Variants in KCNT1 observed in about 807,000 individuals in gnomAD.
The protein encoded by KCNT1 is potassium channel subfamily T member 1.
Under a neutral mutation model 147.8 loss-of-function variants are expected in KCNT1, and 78 were observed. The ratio of observed to expected loss-of-function variants is 0.53; its 90% confidence interval spans 0.44 to 0.64. The LOEUF (loss-of-function observed/expected upper bound fraction) is 0.64. Ranked by LOEUF, KCNT1 falls within the 30% of genes least tolerant of loss-of-function variation. The pLI is 0.00. For missense variants in KCNT1, 1,419 were observed against 1,750.3 expected (o/e 0.81, Z 3.38); for synonymous variants, 867 against 748.8 (o/e 1.16, Z -2.58).
intron 2 of KCNT1, among the ~76,000 whole-genome samples, chr9:135,743,640 C>A (rs1452583438): frequency 1.3e-5 from 2 of 152,344 alleles, no homozygotes; most frequent in Middle Eastern, 3.4e-3. Context: ...CCTGGCCCCA[C>A]CCCAGGCTCC....
At chr9:135,779,491 C>A in intron 24 of KCNT1, 21 bp downstream of exon 24, 1 of 1,500,444 alleles carries the variant, frequency 6.7e-7, no homozygotes, top group Non-Finnish European at 9.3e-7. Flanking sequence ...CTGCCCCGTG[C>A]CAGCTGCCAC....
intron 2 of KCNT1, among the ~76,000 whole-genome samples, chr9:135,738,610 C>T (rs1434417812): frequency 6.6e-6 from 1 of 152,178 alleles, no homozygotes; most frequent in Non-Finnish European, 1.5e-5. Flanking sequence ...CTGCCCGTCT[C>T]ATTGTTGAGA....
intron 10 of KCNT1, among the ~76,000 whole-genome samples, chr9:135,758,710 C>T (rs951657151): frequency 6.6e-6 from 1 of 152,224 alleles, no homozygotes; most frequent in African/African-American, 2.4e-5. Context: ...AGTACACGAG[C>T]AGCCCTGCAG....
intron 1 of KCNT1, among the ~76,000 whole-genome samples, chr9:135,708,810 G>A (rs1228408794): frequency 2.6e-5 from 4 of 152,216 alleles, no homozygotes; most frequent in Non-Finnish European, 4.4e-5. Flanking sequence ...CTCCCAGAAT[G>A]CTGGAATTAC....
chr9:135,760,983 C>G (rs1475641135), intron 11 of KCNT1, among the ~76,000 whole-genome samples: 3 of 152,084 alleles, frequency 2.0e-5, no homozygotes, highest in African/African-American at 7.2e-5. Flanking sequence ...TGTGACCGCC[C>G]CTCTCACTTT....
intron 1 of KCNT1, among the ~76,000 whole-genome samples, chr9:135,707,122 C>T (rs936834045): frequency 3.1e-5 from 4 of 128,838 alleles, no homozygotes; most frequent in Non-Finnish European, 6.7e-5. Flanking sequence ...CCTGTCTCTA[C>T]AAAAAAAAAA....
intron 29 of KCNT1, 114 bp from the exon 30 acceptor site, chr9:135,791,683 C>G (rs1834539693): frequency 1.1e-6 from 1 of 892,346 alleles, no homozygotes. Context: ...GCAGAATGGT[C>G]AGGAAGGCCG....
intron 2 of KCNT1, among the ~76,000 whole-genome samples, chr9:135,731,577 G>A (rs774054070): frequency 1.9e-4 from 29 of 152,128 alleles, no homozygotes; most frequent in Non-Finnish European, 3.8e-4. Context: ...CAACAAGGGC[G>A]TGTGCATTTG....
At chr9:135,717,976 T>A (rs1835783769) in intron 2 of KCNT1, among the ~76,000 whole-genome samples, 1 of 152,066 alleles carries the variant, frequency 6.6e-6, no homozygotes, top group Non-Finnish European at 1.5e-5. Flanking sequence ...CTGACAGGGG[T>A]CCTGAGGTCA....
At chr9:135,781,736 G>C (rs927180893) in intron 24 of KCNT1, among the ~76,000 whole-genome samples, 8 of 152,108 alleles carry the variant, frequency 5.3e-5, no homozygotes, top group Non-Finnish European at 1.2e-4. Context: ...AGGATTCCAG[G>C]CACGACTCCG....
intron 1 of KCNT1, among the ~76,000 whole-genome samples, chr9:135,707,006 C>T (rs780622708): frequency 6.6e-6 from 1 of 151,100 alleles, no homozygotes; most frequent in Non-Finnish European, 1.5e-5. Context: ...GGCCCAAGGC[C>T]AGGCACGGTG....
At chr9:135,748,413 GT>G (rs1441092775) in intron 2 of KCNT1, among the ~76,000 whole-genome samples, 1 of 151,948 alleles carries the variant, frequency 6.6e-6, no homozygotes, top group Non-Finnish European at 1.5e-5. Context: ...AACATCGAAT[GT>G]TTTAATCACT....
At position 135,792,512 on chromosome 9, in the gene KCNT1, G is replaced by A; in HGVS notation, c.*351G>A. 1 of 210,072 alleles carries A rather than the reference G, an allele frequency of 4.8e-6. No homozygotes were observed. The highest frequency in any genetic ancestry group is 9.6e-6 in the Non-Finnish European group (1 of 103,698). The allele number at this position is 210,072 out of a possible 1,614,324, so 13.0% of individuals were successfully genotyped here. A position where few individuals can be genotyped will look rare whatever the true frequency, so the allele number is the denominator to read the frequency against. ...AGCCCAGGCTGTGCTGGAGGGTGGG[G>A]CTGGGGTGCATGGGGAGGGGAGCAG... On this transcript the variant is annotated 3_prime_UTR_variant, in exon 31 of 31. Coordinates refer to ENST00000371757, the MANE Select transcript of KCNT1 (RefSeq NM_020822.3).
At position 135,745,869 on chromosome 9, in the gene KCNT1, C is replaced by T. The variant is rs183579770; in HGVS notation, c.255-4229C>T. Reference sequence around the variant, plus strand: ...GCATGCTGTGACTCTGAGGAGCTAGCGGAGCCCTCCAGGCTACCAGTGTCC... The same window carrying T: ...GCATGCTGTGACTCTGAGGAGCTAGTGGAGCCCTCCAGGCTACCAGTGTCC... On this transcript the variant is annotated intron_variant, in intron 2 of 30. Transcript: ENST00000371757. 1.7e-4 allele frequency among the ~76,000 whole-genome samples: 26 copies of T among 152,298 alleles called. No individual in the cohort carries two copies. In the East Asian group the frequency reaches 4.8e-3, roughly 28 times the overall value.
chr9:135,774,137 TATGTG>T (rs935873904), intron 19 of KCNT1, among the ~76,000 whole-genome samples: 13 of 150,738 alleles, frequency 8.6e-5, no homozygotes, highest in South Asian at 4.2e-4. Flanking sequence ...TGTTGTGTGA[TATGTG>T]ATGTGTGTCT....
chr9:135,732,020 A>AGAGAGAGAGAGAGAGAGG (rs1836490941), intron 2 of KCNT1, among the ~76,000 whole-genome samples: 3 of 126,312 alleles, frequency 2.4e-5, no homozygotes, highest in African/African-American at 9.1e-5. Flanking sequence ...AGAGAGAGAG[A>AGAGAGAGAGAGAGAGAGG]GAGAGAGAGA....
At position 135,714,699 on chromosome 9, in the gene KCNT1, C is replaced by A; in HGVS notation, c.233C>A (p.Pro78Gln). The change falls in exon 2 of 31, where the codon CCG becomes CAG. Residue 78 changes from proline (P) to glutamine (Q), a missense_variant. Physicochemically the swap from Pro to Gln is moderately conservative, Grantham distance 76. Around this residue, in one of 5 missense-constraint regions of KCNT1, gnomAD observed 181 missense variants for 155.7 expected, o/e 1.16. Transcript: ENST00000371757. The surrounding 1 kb of genome is among the most constrained non-coding windows in gnomAD (Gnocchi z 6.2). ...YRFRDLLLGD[P>Q]SFQNDDRVQV... is the part of the protein sequence containing the mutation. ...TTCCGGGACCTGCTGCTGGGCGACC[C>A]GTCCTTCCAGAACGACGACAGGTAG... The A allele has an allele frequency of 6.9e-7, 1 of 1,451,164 alleles. No individual in the cohort carries two copies. The highest frequency in any genetic ancestry group is 3.2e-5 in the East Asian group (1 of 31,702). 89.9% of individuals were successfully genotyped at this position (1,451,164 alleles called of 1,614,324 possible). A position where few individuals can be genotyped will look rare whatever the true frequency, so the allele number is the denominator to read the frequency against.
chr9:135,702,296 T>G lies in KCNT1; in HGVS notation c.38T>G (p.Val13Gly). 6.2e-7 allele frequency: 1 copy of G among 1,608,738 alleles called. No homozygotes were observed. Among genetic ancestry groups the G allele is most frequent in the Non-Finnish European group, 8.5e-7 (1 of 1,177,988 alleles). The change falls in exon 1 of 31, where the codon GTC becomes GGC. Residue 13 changes from valine (V) to glycine (G), a missense_variant. Around this residue, in one of 5 missense-constraint regions of KCNT1, gnomAD observed 181 missense variants for 155.7 expected, o/e 1.16. Coordinates refer to ENST00000371757, the MANE Select transcript of KCNT1 (RefSeq NM_020822.3). Reference sequence around the variant, plus strand: ...GACGGGGCGCGGACCCCGGGGGGCGTCTGCCGGGAGGCGCGCGGCGGGGGC... The same window carrying G: ...GACGGGGCGCGGACCCCGGGGGGCGGCTGCCGGGAGGCGCGCGGCGGGGGC... ...LPDGARTPGGVCREARGGGYT... is the reference protein window; with the variant it reads ...LPDGARTPGGGCREARGGGYT...
Position 135,720,112 on chromosome 9 carries a change from C to T in KCNT1, c.254+5392C>T, listed in dbSNP as rs564355377. Among the ~76,000 whole-genome samples the T allele has an allele frequency of 2.6e-5, 4 of 152,250 alleles. No homozygotes were observed. The East Asian group carries it at 7.8e-4, about 30-fold the overall frequency. ...CAACTGTGGATGGGCCAGGCAGGGC[C>T]AGCAGGAGCAGGAATGGGTGCAGAA... On this transcript the variant is annotated intron_variant, in intron 2 of 30. Coordinates refer to ENST00000371757, the MANE Select transcript of KCNT1 (RefSeq NM_020822.3).
Sources: allele counts gnomAD v4.1 joint callset (sites outside exome capture counted in the v4.1 genomes callset), GRCh38; gene constraint gnomAD v4.1.1; regional missense constraint gnomAD v4.1.1; non-coding constraint Gnocchi (gnomAD v3.1); transcripts MANE v1.5; gene names NCBI Gene and HGNC (gene_info 2026-07-23, HGNC 2026-07-21).